Variants in SCAF8 observed in about 807,000 individuals in gnomAD.
SCAF8 encodes the protein SR-related and CTD-associated factor 8.
SCAF8 carries 23 observed loss-of-function variants against 140.5 expected under a neutral mutation model. That is an observed-to-expected ratio of 0.16 (90% CI 0.12 to 0.23). SCAF8 has a LOEUF of 0.23. Among genes scored for constraint, SCAF8 ranks in the 10% least tolerant of loss-of-function variants. The pLI is 1.00. For synonymous variants in SCAF8, 575 were observed against 528.9 expected (o/e 1.09, Z -1.20); for missense variants, 1,397 against 1,555.7 (o/e 0.90, Z 1.72).
chr6:154,795,402 A>G (rs945984494), intron 6 of SCAF8, among the ~76,000 whole-genome samples: 3 of 152,234 alleles, frequency 2.0e-5, no homozygotes, highest in Non-Finnish European at 4.4e-5. Context: ...ATTAGGTGCT[A>G]TCACACTCCA....
chr6:154,808,314 T>C, intron 10 of SCAF8, 113 bp downstream of exon 10: 1 of 1,076,500 alleles, frequency 9.3e-7, no homozygotes, highest in Non-Finnish European at 1.3e-6. Context: ...TAAGCTCCAC[T>C]TTGTAATTGT....
chr6:154,766,669 C>CCTTTT (rs1554258917), intron 1 of SCAF8, among the ~76,000 whole-genome samples: 8 of 82,426 alleles, frequency 9.7e-5, no homozygotes, highest in East Asian at 9.2e-4. Context: ...ACCCCCCCCC[C>CCTTTT]TTTTTTTTTT....
At chr6:154,764,637 G>T (rs888812705) in intron 1 of SCAF8, among the ~76,000 whole-genome samples, 2 of 152,138 alleles carry the variant, frequency 1.3e-5, no homozygotes, top group Non-Finnish European at 2.9e-5. Context: ...CAGGGAGCCA[G>T]ATCCCAAGAA....
intron 14 of SCAF8, among the ~76,000 whole-genome samples, chr6:154,819,421 C>T (rs941310131): frequency 2.0e-5 from 3 of 151,990 alleles, no homozygotes; most frequent in Non-Finnish European, 2.9e-5. Flanking sequence ...GAGACCTCAT[C>T]TCTACAAAAC....
At chr6:154,752,531 G>A (rs1778863822) in intron 1 of SCAF8, among the ~76,000 whole-genome samples, 2 of 151,978 alleles carry the variant, frequency 1.3e-5, no homozygotes, top group South Asian at 2.1e-4. Flanking sequence ...TGCGGAACAT[G>A]TAGTGTCATT....
intron 8 of SCAF8, among the ~76,000 whole-genome samples, chr6:154,803,972 A>G (rs946446883): frequency 6.6e-6 from 1 of 152,228 alleles, no homozygotes; most frequent in Non-Finnish European, 1.5e-5. Context: ...GGCCACTTCT[A>G]GAAAGCATAT....
chr6:154,733,912 G>A lies in SCAF8; in HGVS notation c.12G>A (p.Val4=). Residue 4 remains valine, a synonymous_variant, in exon 1 of 20, where the codon GTG becomes GTA. Transcript: ENST00000367178. ...TCCGCAGCGACAACATGGAGGCCGT[G>A]AAGACCTTCAATAGCGAGGTTGGTA... MEA[V]KTFNSELYSL... 1 of 1,541,528 alleles carries A rather than the reference G, an allele frequency of 6.5e-7. No individual in the cohort carries two copies. The highest frequency in any genetic ancestry group is 2.2e-5 in the Admixed American group (1 of 44,934).
chr6:154,745,796 A>G (rs750242884), intron 1 of SCAF8, among the ~76,000 whole-genome samples: 9 of 151,976 alleles, frequency 5.9e-5, no homozygotes, highest in Admixed American at 5.2e-4. Flanking sequence ...TCATTTTTGT[A>G]TTTATTAGTT....
chr6:154,830,055 A>G (rs1466130583), intron 18 of SCAF8, among the ~76,000 whole-genome samples: 1 of 152,152 alleles, frequency 6.6e-6, no homozygotes, highest in South Asian at 2.1e-4. Flanking sequence ...CAACCTCCCA[A>G]TTTTTTCCTA....
At chr6:154,770,919 A>C (rs1776744872) in intron 1 of SCAF8, among the ~76,000 whole-genome samples, 1 of 152,034 alleles carries the variant, frequency 6.6e-6, no homozygotes, top group Non-Finnish European at 1.5e-5. Context: ...TAATTTTTGC[A>C]CTTTTAGTAG....
In SCAF8 at chr6:154,733,567, G is replaced by C. The variant is rs1472177155; in HGVS notation, c.-334G>C. 2 of 1,282,732 alleles carry C rather than the reference G, an allele frequency of 1.6e-6. No homozygotes were observed. Among genetic ancestry groups the C allele is most frequent in the East Asian group, 3.2e-5 (1 of 31,610 alleles). The allele number at this position is 1,282,732 out of a possible 1,614,324, so 79.5% of individuals were successfully genotyped here. On this transcript the variant is annotated 5_prime_UTR_variant, in exon 1 of 20. Coordinates refer to ENST00000367178, the MANE Select transcript of SCAF8 (RefSeq NM_014892.5). ...GTGGAGAGTGTAGGGGAAGGGGCTAGAGGGAGGGGGACCGAAACGGAGCGG... is the reference window on the plus strand; with the variant it reads ...GTGGAGAGTGTAGGGGAAGGGGCTACAGGGAGGGGGACCGAAACGGAGCGG...
intron 1 of SCAF8, among the ~76,000 whole-genome samples, chr6:154,764,035 A>T (rs1159023505): frequency 6.6e-6 from 1 of 152,200 alleles, no homozygotes; most frequent in East Asian, 1.9e-4. Context: ...TTTGTGATGG[A>T]GTAGCCATCT....
At position 154,787,849 on chromosome 6, in the gene SCAF8, T is replaced by G. The variant is rs768531851; in HGVS notation, c.160-12T>G. 7 of 1,580,386 alleles carry G rather than the reference T, an allele frequency of 4.4e-6. No individual in the cohort carries two copies. The Admixed American group carries it at 1.3e-4, about 30-fold the overall frequency. ...CGTTTCCTTTCCTTTTCATTCTTCT[T>G]TTTTTCATCAGTGTAAACCAGAATA... On this transcript the variant is annotated splice_polypyrimidine_tract_variant and intron_variant, in intron 3 of 19. Transcript: ENST00000367178.
At chr6:154,817,074 C>G (rs372230220) in intron 13 of SCAF8, among the ~76,000 whole-genome samples, 1 of 152,154 alleles carries the variant, frequency 6.6e-6, no homozygotes, top group East Asian at 1.9e-4. Context: ...CTTTCAGAGT[C>G]TATAATCATA....
In SCAF8 at chr6:154,833,135, A is replaced by G. The variant is rs1778800815; in HGVS notation, c.3556A>G (p.Thr1186Ala). The part of the protein sequence containing the change: ...NRLGRDRIQN[T>A]WVPPPHARVF... Reference sequence around the variant, plus strand: ...TCTTGGACGAGACAGAATTCAAAACACTTGGGTTCCCCCTCCTCATGCTCG... The same window carrying G: ...TCTTGGACGAGACAGAATTCAAAACGCTTGGGTTCCCCCTCCTCATGCTCG... Residue 1186 changes from threonine to alanine, a missense_variant, in exon 20 of 20, where the codon ACT becomes GCT. By Grantham distance (58) the Thr-to-Ala change is moderately conservative (BLOSUM62 0). This residue lies in a region of SCAF8 where 930 missense variants were observed against 874.6 expected (regional missense o/e 1.06). Transcript: ENST00000367178. 6 of 1,614,098 alleles carry G rather than the reference A, an allele frequency of 3.7e-6. No individual in the cohort carries two copies. Among genetic ancestry groups the G allele is most frequent in the Non-Finnish European group, 5.1e-6 (6 of 1,180,006 alleles).
At chr6:154,824,645 A>C (rs932379625) in intron 17 of SCAF8, among the ~76,000 whole-genome samples, 2 of 152,106 alleles carry the variant, frequency 1.3e-5, no homozygotes, top group Non-Finnish European at 2.9e-5. Context: ...ATTTCTTTAG[A>C]ATAATTGAAA....
At chr6:154,752,874 A>G (rs1418093533) in intron 1 of SCAF8, among the ~76,000 whole-genome samples, 1 of 152,156 alleles carries the variant, frequency 6.6e-6, no homozygotes, top group Non-Finnish European at 1.5e-5. Context: ...GGCACTTGCC[A>G]CCATGCCCGG....
At chr6:154,749,501 G>C (rs1778788047) in intron 1 of SCAF8, among the ~76,000 whole-genome samples, 1 of 152,116 alleles carries the variant, frequency 6.6e-6, no homozygotes, top group South Asian at 2.1e-4. Context: ...CTTTCTGATG[G>C]GGTGGGGCTG....
rs529575562 is a variant in SCAF8 at position 154,827,671 on chromosome 6, T to C, written c.2140+431T>C. 2.0e-5 allele frequency among the ~76,000 whole-genome samples: 3 copies of C among 152,322 alleles called. No individual in the cohort carries two copies. The East Asian group carries it at 5.8e-4, about 29-fold the overall frequency. ...CTGAAATTACTGTCTTTGCATTTCC[T>C]GTAAAATGGAAGTTAGCACCAAAGG... On this transcript the variant is annotated intron_variant, in intron 18 of 19. Transcript: ENST00000367178.
Sources: allele counts gnomAD v4.1 joint callset (sites outside exome capture counted in the v4.1 genomes callset), GRCh38; gene constraint gnomAD v4.1.1; regional missense constraint gnomAD v4.1.1; transcripts MANE v1.5; gene names NCBI Gene and HGNC (gene_info 2026-07-23, HGNC 2026-07-21).